FGF12: variants seen among roughly 807,000 people sequenced by gnomAD.
The protein encoded by FGF12 is fibroblast growth factor 12, also known as fibroblast growth factor 12B.
A neutral mutation model predicts 23.6 loss-of-function variants in FGF12; 14 were observed. The ratio of observed to expected loss-of-function variants is 0.59; its 90% CI spans 0.39 to 0.93. The LOEUF (loss-of-function observed/expected upper bound fraction) is 0.93, where lower values mean the gene tolerates loss of function less well. Among genes scored for constraint, FGF12 ranks in the 40% least tolerant of loss-of-function variants. The pLI, the probability that FGF12 is intolerant of heterozygous loss-of-function variation, is 0.00. For missense variants in FGF12, 175 were observed against 217.8 expected, an observed-to-expected ratio of 0.80 and a Z score of 1.24; for synonymous variants, 62 against 77.3, an observed-to-expected ratio of 0.80 and a Z score of 1.04.
chr3:192,718,358 C>T (rs923727059), intron 2 of FGF12, among the ~76,000 whole-genome samples: 1 of 151,814 alleles, frequency 6.6e-6, no homozygotes, highest in South Asian at 2.1e-4. Flanking sequence ...GCAAAAATGC[C>T]ATCAAGTTCG....
chr3:192,632,579 T>C (rs1273556949), intron 2 of FGF12, among the ~76,000 whole-genome samples: 2 of 152,242 alleles, frequency 1.3e-5, no homozygotes, highest in Non-Finnish European at 2.9e-5. Flanking sequence ...GTTAGATATA[T>C]TTCCCAACAC....
chr3:192,703,874 A>T (rs1718382062), intron 2 of FGF12, among the ~76,000 whole-genome samples: 1 of 152,148 alleles, frequency 6.6e-6, no homozygotes, highest in Non-Finnish European at 1.5e-5. Flanking sequence ...GCTAATTTTT[A>T]AAAATTTTTT....
At chr3:192,649,293 T>C (rs924976729) in intron 2 of FGF12, among the ~76,000 whole-genome samples, 3 of 152,114 alleles carry the variant, frequency 2.0e-5, no homozygotes, top group Non-Finnish European at 4.4e-5. Flanking sequence ...TAAGCACTTA[T>C]AGTAAGTAGA....
intron 2 of FGF12, among the ~76,000 whole-genome samples, chr3:192,619,796 C>T (rs903895554): frequency 6.6e-6 from 1 of 152,212 alleles, no homozygotes; most frequent in South Asian, 2.1e-4. Context: ...ACTTGTTAGA[C>T]CTATGTTTTC....
At chr3:192,380,933 T>A (rs1323828009) in intron 2 of FGF12, among the ~76,000 whole-genome samples, 1 of 149,800 alleles carries the variant, frequency 6.7e-6, no homozygotes, top group African/African-American at 2.4e-5. Context: ...TATATTTATA[T>A]ACAGTATTCT....
intron 2 of FGF12, among the ~76,000 whole-genome samples, chr3:192,513,488 G>T (rs1211743965): frequency 6.6e-6 from 1 of 151,954 alleles, no homozygotes; most frequent in African/African-American, 2.4e-5. Context: ...ATTTCATTTA[G>T]ACTGATGAGT....
chr3:192,691,280 T>A lies in FGF12; in HGVS notation c.13+35901A>T, dbSNP rs145969625. 3.9e-3 allele frequency among the ~76,000 whole-genome samples: 598 copies of A among 152,194 alleles called. 5 individuals are homozygous for A. Among genetic ancestry groups the A allele is most frequent in the African/African-American group, 0.013 (545 of 41,564 alleles). ...AACATTGTCGAGTATAGATTAAATG[T>A]GGGGTCACAAAACAAGGCTGTGTAA... On this transcript the variant is annotated intron_variant, in intron 2 of 5. Coordinates refer to ENST00000445105, the MANE Select transcript of FGF12 (RefSeq NM_004113.6).
intron 4 of FGF12, among the ~76,000 whole-genome samples, chr3:192,203,431 G>T (rs983941649): frequency 2.0e-5 from 3 of 152,060 alleles, no homozygotes; most frequent in African/African-American, 7.2e-5. Context: ...GTTAAGATTT[G>T]GAAGGCCATG....
At chr3:192,518,776 C>T (rs768200240) in intron 2 of FGF12, among the ~76,000 whole-genome samples, 1 of 152,100 alleles carries the variant, frequency 6.6e-6, no homozygotes, top group Non-Finnish European at 1.5e-5. Context: ...CTCATCTTAG[C>T]AATACCTTCA....
At chr3:192,242,959 G>C (rs1719697459) in intron 4 of FGF12, among the ~76,000 whole-genome samples, 1 of 151,968 alleles carries the variant, frequency 6.6e-6, no homozygotes, top group Admixed American at 6.6e-5. Flanking sequence ...AAAATTAAAA[G>C]ACAGAAATCA....
intron 2 of FGF12, among the ~76,000 whole-genome samples, chr3:192,513,745 T>A (rs1161653470): frequency 3.3e-5 from 5 of 152,224 alleles, no homozygotes; most frequent in African/African-American, 4.8e-5. Flanking sequence ...AAGACACTTG[T>A]CTAGATGTAT....
chr3:192,617,749 G>A (rs2708308), intron 2 of FGF12, among the ~76,000 whole-genome samples: 96,377 of 151,802 alleles, frequency 0.63, 31,020 homozygotes, highest in Non-Finnish European at 0.69. Context: ...AGGTAGAAGA[G>A]TTTTAGTAGA....
intron 2 of FGF12, among the ~76,000 whole-genome samples, chr3:192,625,792 T>C (rs989061359): frequency 1.3e-5 from 2 of 152,112 alleles, no homozygotes; most frequent in Non-Finnish European, 2.9e-5. Context: ...GAAAAGGGCA[T>C]GAACAAATAC....
chr3:192,403,817 T>C (rs183744447), intron 2 of FGF12, among the ~76,000 whole-genome samples: 218 of 152,274 alleles, frequency 1.4e-3, no homozygotes, highest in African/African-American at 5.0e-3. Context: ...TTCTATTTCC[T>C]ACGATATTTT....
In FGF12 at chr3:192,455,765, A is replaced by C. The variant is rs372907370; in HGVS notation, c.14-95227T>G. 7.2e-5 allele frequency among the ~76,000 whole-genome samples: 11 copies of C among 152,346 alleles called. No individual in the cohort carries two copies. In the East Asian group the frequency reaches 1.2e-3, roughly 16 times the overall value. On this transcript the variant is annotated intron_variant, in intron 2 of 5. Transcript: ENST00000445105. Reference sequence around the variant, plus strand: ...TAAGTTTCTATCATAAATAATTCTAAGATTTTCTGCAGAATATTAGTAGAT... The same window carrying C: ...TAAGTTTCTATCATAAATAATTCTACGATTTTCTGCAGAATATTAGTAGAT...
At chr3:192,332,288 TA>T (rs36125923) in intron 4 of FGF12, among the ~76,000 whole-genome samples, 4 of 151,534 alleles carry the variant, frequency 2.6e-5, no homozygotes, top group African/African-American at 4.8e-5. Context: ...TATGTATGAT[TA>T]AAAAAAATAA....
chr3:192,254,664 A>G (rs1284200558), intron 4 of FGF12, among the ~76,000 whole-genome samples: 2 of 152,094 alleles, frequency 1.3e-5, no homozygotes, highest in African/African-American at 2.4e-5. Flanking sequence ...ACAACTAGGC[A>G]AAAGCCAAGA....
chr3:192,280,310 C>A (rs1163510056), intron 4 of FGF12, among the ~76,000 whole-genome samples: 1 of 151,968 alleles, frequency 6.6e-6, no homozygotes, highest in African/African-American at 2.4e-5. Flanking sequence ...AGAAATGTAA[C>A]AAGAATTCAG....
rs1378036766 is a variant in FGF12 at position 192,409,373 on chromosome 3, A to G, written c.14-48835T>C. On this transcript the variant is annotated intron_variant, in intron 2 of 5. Transcript: ENST00000445105. The surrounding 1 kb of genome is among the most constrained non-coding windows in gnomAD (Gnocchi z 4.8). Reference sequence around the variant, plus strand: ...TGGTCCACCCGGGGCCGCCGCACCGAGCTGGTCTCCGCACAGGCTCAGAGG... The same window carrying G: ...TGGTCCACCCGGGGCCGCCGCACCGGGCTGGTCTCCGCACAGGCTCAGAGG... Among the ~76,000 whole-genome samples, 1 of 151,978 alleles carries G rather than the reference A, an allele frequency of 6.6e-6. No homozygotes were observed. The highest frequency in any genetic ancestry group is 2.4e-5 in the African/African-American group (1 of 41,394).
Sources: allele counts gnomAD v4.1 joint callset (sites outside exome capture counted in the v4.1 genomes callset), GRCh38; gene constraint gnomAD v4.1.1; non-coding constraint Gnocchi (gnomAD v3.1); transcripts MANE v1.5; gene names NCBI Gene and HGNC (gene_info 2026-07-23, HGNC 2026-07-21).